Variants in NELL2 observed in about 807,000 individuals in gnomAD.
The protein encoded by NELL2 is neural EGFL like 2.
Under a neutral mutation model 109.6 loss-of-function variants are expected in NELL2, and 41 were observed. That is an observed-to-expected ratio of 0.37 (90% CI 0.29 to 0.49). The LOEUF (loss-of-function observed/expected upper bound fraction) is 0.49, where lower values mean the gene tolerates loss of function less well. Ranked by LOEUF, NELL2 falls within the 20% of genes least tolerant of loss-of-function variation. The pLI is 0.98. For missense variants in NELL2, 900 were observed against 1,008.3 expected (o/e 0.89, Z 1.45); for synonymous variants, 355 against 344.7 (o/e 1.03, Z -0.33).
intron 12 of NELL2, among the ~76,000 whole-genome samples, chr12:44,700,181 A>T (rs1469542615): frequency 6.6e-6 from 1 of 152,094 alleles, no homozygotes; most frequent in Non-Finnish European, 1.5e-5. Flanking sequence ...ACTACCACCA[A>T]TTAATCAAGA....
At chr12:44,663,018 A>G (rs1285111836) in intron 13 of NELL2, among the ~76,000 whole-genome samples, 1 of 152,162 alleles carries the variant, frequency 6.6e-6, no homozygotes, top group Non-Finnish European at 1.5e-5. Context: ...ATAAATCTCA[A>G]TATTTTATAA....
At position 44,619,975 on chromosome 12, in the gene NELL2, G is replaced by C. The variant is rs537140410; in HGVS notation, c.1445-9005C>G. Among the ~76,000 whole-genome samples the C allele has an allele frequency of 1.8e-3, 277 of 152,200 alleles. 2 individuals are homozygous for C. Among genetic ancestry groups the C allele is most frequent in the African/African-American group, 5.7e-3 (236 of 41,516 alleles). On this transcript the variant is annotated intron_variant, in intron 13 of 19. Transcript: ENST00000429094. Reference sequence around the variant, plus strand: ...GTACTCCAATTTTGGGCTCCATAGTGAATCAATATTTGAGCCAAGAGGAAG... The same window carrying C: ...GTACTCCAATTTTGGGCTCCATAGTCAATCAATATTTGAGCCAAGAGGAAG...
intron 12 of NELL2, among the ~76,000 whole-genome samples, chr12:44,683,767 A>G (rs1315640702): frequency 6.6e-6 from 1 of 152,230 alleles, no homozygotes; most frequent in Non-Finnish European, 1.5e-5. Flanking sequence ...CCAGGGATGA[A>G]GCCCACTTGA....
chr12:44,531,640 C>T (rs1022155125), intron 16 of NELL2, among the ~76,000 whole-genome samples: 1 of 152,176 alleles, frequency 6.6e-6, no homozygotes, highest in Non-Finnish European at 1.5e-5. Flanking sequence ...TTTCACTTGT[C>T]TCTTTGTGAA....
In NELL2 at chr12:44,508,989, A is replaced by G; in HGVS notation, c.2401-5T>C. 6.2e-7 allele frequency: 1 copy of G among 1,611,224 alleles called. No individual in the cohort carries two copies. The highest frequency in any genetic ancestry group is 8.5e-7 in the Non-Finnish European group (1 of 1,178,118). ...TGAGCAACAGATGTGGCCATTCTAG[A>G]TTTAAAAAAAGTAGAAAGAAAAACA... On this transcript the variant is annotated splice_polypyrimidine_tract_variant and splice_region_variant and intron_variant, in intron 19 of 19. Coordinates refer to ENST00000429094, the MANE Select transcript of NELL2 (RefSeq NM_001145108.2).
intron 15 of NELL2, among the ~76,000 whole-genome samples, chr12:44,535,357 A>G (rs1001392067): frequency 2.0e-5 from 3 of 151,986 alleles, no homozygotes; most frequent in East Asian, 1.9e-4. Flanking sequence ...AAGTTAAACT[A>G]TTTTAGGTCA....
chr12:44,804,364 TAA>T (rs944348815), intron 3 of NELL2, among the ~76,000 whole-genome samples: 6 of 151,830 alleles, frequency 4.0e-5, no homozygotes, highest in Non-Finnish European at 7.4e-5. Context: ...CACAAAAATA[TAA>T]GACTTCTCTC....
At chr12:44,623,334 C>T (rs889966080) in intron 13 of NELL2, among the ~76,000 whole-genome samples, 1 of 152,072 alleles carries the variant, frequency 6.6e-6, no homozygotes, top group Non-Finnish European at 1.5e-5. Flanking sequence ...GGCTAACTTA[C>T]ACCTGTGTTT....
At chr12:44,684,681 T>C (rs951397960) in intron 12 of NELL2, among the ~76,000 whole-genome samples, 1 of 152,234 alleles carries the variant, frequency 6.6e-6, no homozygotes, top group Non-Finnish European at 1.5e-5. Flanking sequence ...ATGTACCCAC[T>C]AGTCATTCCG....
intron 1 of NELL2, among the ~76,000 whole-genome samples, chr12:44,897,643 G>A (rs1024305482): frequency 1.3e-5 from 2 of 152,148 alleles, no homozygotes; most frequent in African/African-American, 2.4e-5. Context: ...GGATTCCCTC[G>A]GGTGCCTACA....
chr12:44,904,091 A>G (rs1385198085), intron 1 of NELL2, among the ~76,000 whole-genome samples: 2 of 151,996 alleles, frequency 1.3e-5, no homozygotes, highest in Admixed American at 6.6e-5. Flanking sequence ...TAAAATCTAG[A>G]CAAATTAATA....
chr12:44,510,191 T>C (rs190423609), intron 19 of NELL2, among the ~76,000 whole-genome samples: 1 of 152,308 alleles, frequency 6.6e-6, no homozygotes, highest in African/African-American at 2.4e-5. Flanking sequence ...GATGATAATA[T>C]CCCTCCATTC....
rs1167451662 is a variant in NELL2, at chr12:44,607,275, T to G, written c.1568-11A>C. 2.5e-6 allele frequency: 4 copies of G among 1,607,260 alleles called. No individual in the cohort carries two copies. In the Admixed American group the frequency reaches 6.7e-5, roughly 27 times the overall value. Reference sequence around the variant, plus strand: ...CATCTTTGCAAAATGCTAAAATAATTCAGATACATGATTTTAGCACTTTAG... The same window carrying G: ...CATCTTTGCAAAATGCTAAAATAATGCAGATACATGATTTTAGCACTTTAG... On this transcript the variant is annotated splice_polypyrimidine_tract_variant and intron_variant, in intron 14 of 19. Coordinates refer to ENST00000429094, the MANE Select transcript of NELL2 (RefSeq NM_001145108.2).
At chr12:44,768,976 A>G (rs1332277016) in intron 9 of NELL2, among the ~76,000 whole-genome samples, 1 of 148,186 alleles carries the variant, frequency 6.7e-6, no homozygotes, top group Admixed American at 6.7e-5. Flanking sequence ...TAGCCTACAT[A>G]AATTATGTTT....
chr12:44,674,285 T>A (rs1438856006), intron 12 of NELL2, among the ~76,000 whole-genome samples: 1 of 152,144 alleles, frequency 6.6e-6, no homozygotes. Context: ...TTTACATGAA[T>A]AACAACATGA....
intron 3 of NELL2, among the ~76,000 whole-genome samples, chr12:44,789,571 C>G (rs1942306315): frequency 6.6e-6 from 1 of 152,040 alleles, no homozygotes; most frequent in African/African-American, 2.4e-5. Context: ...GGCTCTTTAA[C>G]ACCCCCCAAA....
At chr12:44,702,241 T>C (rs1435922152) in intron 12 of NELL2, among the ~76,000 whole-genome samples, 1 of 152,140 alleles carries the variant, frequency 6.6e-6, no homozygotes, top group Non-Finnish European at 1.5e-5. Context: ...TCTTCTCTAG[T>C]TCTATAGTCA....
chr12:44,873,920 A>G (rs1945239120), intron 2 of NELL2, among the ~76,000 whole-genome samples: 1 of 152,220 alleles, frequency 6.6e-6, no homozygotes, highest in South Asian at 2.1e-4. Flanking sequence ...ATTACCATAA[A>G]TATTTGTTAC....
intron 12 of NELL2, among the ~76,000 whole-genome samples, chr12:44,702,046 G>T (rs961919270): frequency 2.0e-5 from 3 of 151,758 alleles, no homozygotes; most frequent in Non-Finnish European, 2.9e-5. Context: ...TATTCTTCTG[G>T]TTGAAGTGTT....
Sources: allele counts gnomAD v4.1 joint callset (sites outside exome capture counted in the v4.1 genomes callset), GRCh38; gene constraint gnomAD v4.1.1; transcripts MANE v1.5; gene names NCBI Gene and HGNC (gene_info 2026-07-23, HGNC 2026-07-21).